PARD3: variants seen among roughly 807,000 people sequenced by gnomAD.
The protein encoded by PARD3 is par-3 family cell polarity regulator.
A neutral mutation model predicts 155.4 loss-of-function variants in PARD3; 75 were observed. The ratio of observed to expected loss-of-function variants is 0.48; its 90% CI spans 0.40 to 0.58. The LOEUF is 0.58. PARD3 is among the 20% of genes least tolerant of loss of function. The probability of loss-of-function intolerance (pLI) is 0.00; values close to 1 mark genes in which losing one functional copy is unlikely to be tolerated. For synonymous variants in PARD3, 576 were observed against 610.5 expected (o/e 0.94, Z 0.83); for missense variants, 1,642 against 1,721.7 (o/e 0.95, Z 0.82).
intron 1 of PARD3, among the ~76,000 whole-genome samples, chr10:34,806,708 G>C (rs537806018): frequency 2.3e-4 from 35 of 152,306 alleles, no homozygotes; most frequent in African/African-American, 7.5e-4. Context: ...TTCAAAGTTG[G>C]GGGGGTCGGG....
chr10:34,138,276 G>A (rs1189106309), intron 22 of PARD3, among the ~76,000 whole-genome samples: 1 of 152,206 alleles, frequency 6.6e-6, no homozygotes, highest in Admixed American at 6.5e-5. Flanking sequence ...CTTAATACAT[G>A]AAACCAATCA....
intron 1 of PARD3, among the ~76,000 whole-genome samples, chr10:34,770,114 T>G (rs985009603): frequency 1.3e-5 from 2 of 152,174 alleles, no homozygotes; most frequent in South Asian, 4.2e-4. Flanking sequence ...CCTTATCTTC[T>G]GCCTGCAGAC....
At chr10:34,675,251 T>A (rs529860879) in intron 2 of PARD3, among the ~76,000 whole-genome samples, 22 of 152,364 alleles carry the variant, frequency 1.4e-4, no homozygotes, top group South Asian at 8.3e-4. Context: ...TTTCTGCTGT[T>A]AAGCAACTTT....
intron 2 of PARD3, among the ~76,000 whole-genome samples, chr10:34,551,947 T>G (rs747854451): frequency 7.2e-5 from 11 of 152,218 alleles, no homozygotes; most frequent in Non-Finnish European, 5.9e-5. Flanking sequence ...AAAGGTTGTC[T>G]GTCTTGACCC....
chr10:34,623,638 G>C (rs932305238), intron 2 of PARD3, among the ~76,000 whole-genome samples: 4 of 152,034 alleles, frequency 2.6e-5, no homozygotes, highest in Non-Finnish European at 2.9e-5. Flanking sequence ...ATCCACTCTT[G>C]AACCCCCTAA....
At chr10:34,192,834 G>A (rs934493631) in intron 22 of PARD3, among the ~76,000 whole-genome samples, 2 of 152,068 alleles carry the variant, frequency 1.3e-5, no homozygotes, top group African/African-American at 4.8e-5. Context: ...TCTATGAATG[G>A]GATAGAAATA....
intron 1 of PARD3, among the ~76,000 whole-genome samples, chr10:34,736,650 ATTAATTTAT>A (rs1033635360): frequency 7.4e-6 from 1 of 135,984 alleles, no homozygotes; most frequent in African/African-American, 3.1e-5. Flanking sequence ...TTATTAATTA[ATTAATTTAT>A]TTATTTATTT....
At chr10:34,395,520 A>G (rs2132129729) in intron 7 of PARD3, among the ~76,000 whole-genome samples, 1 of 152,314 alleles carries the variant, frequency 6.6e-6, no homozygotes, top group South Asian at 2.1e-4. Context: ...TTTTTGAATA[A>G]CATATACAAG....
intron 5 of PARD3, among the ~76,000 whole-genome samples, chr10:34,424,491 G>T (rs1014529856): frequency 1.3e-5 from 2 of 151,998 alleles, no homozygotes; most frequent in African/African-American, 4.8e-5. Context: ...AAGTAATCAA[G>T]ATTCTAACTT....
intron 22 of PARD3, among the ~76,000 whole-genome samples, chr10:34,268,900 A>T (rs1227244988): frequency 6.6e-6 from 1 of 152,232 alleles, no homozygotes; most frequent in African/African-American, 2.4e-5. Flanking sequence ...CACGTTGTGC[A>T]CATGTACCCT....
At chr10:34,447,804 C>CAAAAAAAAAAAAA (rs59698806) in intron 5 of PARD3, among the ~76,000 whole-genome samples, 2 of 143,590 alleles carry the variant, frequency 1.4e-5, no homozygotes, top group South Asian at 4.4e-4. Flanking sequence ...GACTCTGTCT[C>CAAAAAAAAAAAAA]AAAAGAAAGA....
chr10:34,540,687 G>A (rs887344219), intron 2 of PARD3, among the ~76,000 whole-genome samples: 1 of 152,128 alleles, frequency 6.6e-6, no homozygotes, highest in African/African-American at 2.4e-5. Context: ...AGACTGAGGT[G>A]GGAAGATCAC....
intron 2 of PARD3, among the ~76,000 whole-genome samples, chr10:34,521,474 T>C (rs184144944): frequency 2.4e-4 from 36 of 152,088 alleles, no homozygotes; most frequent in East Asian, 5.8e-4. Flanking sequence ...ATTTGTGAAA[T>C]GTTACTCAAA....
chr10:34,811,405 C>A (rs1027401406), intron 1 of PARD3, among the ~76,000 whole-genome samples: 3 of 152,170 alleles, frequency 2.0e-5, no homozygotes, highest in Non-Finnish European at 4.4e-5. Flanking sequence ...ACACCTAGAC[C>A]CCAACTGCAG....
intron 1 of PARD3, among the ~76,000 whole-genome samples, chr10:34,811,458 C>T (rs75068837): frequency 0.014 from 2,119 of 152,274 alleles, 60 homozygotes; most frequent in African/African-American, 0.048. Context: ...GCAGGTGCCT[C>T]ACCCAGTTAG....
chr10:34,537,689 G>T (rs997150515), intron 2 of PARD3, among the ~76,000 whole-genome samples: 8 of 152,186 alleles, frequency 5.3e-5, no homozygotes, highest in African/African-American at 9.7e-5. Context: ...AAGGAGACAT[G>T]ACAGCAAATA....
intron 19 of PARD3, among the ~76,000 whole-genome samples, chr10:34,326,343 T>C (rs1369693400): frequency 6.6e-6 from 1 of 152,118 alleles, no homozygotes; most frequent in Non-Finnish European, 1.5e-5. Flanking sequence ...GTTAAGTATA[T>C]GTATCATTTT....
At chr10:34,667,116 T>C (rs1045100160) in intron 2 of PARD3, among the ~76,000 whole-genome samples, 1 of 152,004 alleles carries the variant, frequency 6.6e-6, no homozygotes, top group Non-Finnish European at 1.5e-5. Flanking sequence ...TGCAGTGAGC[T>C]GAGATGACAC....
intron 1 of PARD3, among the ~76,000 whole-genome samples, chr10:34,745,876 A>C (rs142605546): frequency 0.024 from 3,595 of 152,280 alleles, 143 homozygotes; most frequent in African/African-American, 0.083. Flanking sequence ...CAAGGCACGC[A>C]GATCACGAGG....
Sources: gnomAD v4.1 joint callset for allele counts (sites outside exome capture counted in the v4.1 genomes callset) on GRCh38, gnomAD v4.1.1 for gene constraint, MANE v1.5 for transcripts, NCBI Gene and HGNC (gene_info 2026-07-23, HGNC 2026-07-21) for gene names.